MAX: variants seen among roughly 807,000 people sequenced by gnomAD.
MAX encodes protein max.
MAX carries 3 observed loss-of-function variants against 22.3 expected under a neutral mutation model. That is an observed-to-expected ratio of 0.13 (90% CI 0.06 to 0.35). The LOEUF (loss-of-function observed/expected upper bound fraction) is 0.35, where lower values mean the gene tolerates loss of function less well. Ranked by LOEUF, MAX falls within the 10% of genes least tolerant of loss-of-function variation. The pLI is 1.00. For missense variants in MAX, 119 were observed against 209.4 expected, an observed-to-expected ratio of 0.57 and a Z score of 2.66; for synonymous variants, 72 against 77.7, an observed-to-expected ratio of 0.93 and a Z score of 0.39.
chr14:65,024,417 A>G (rs560567647), intron 3 of MAX, among the ~76,000 whole-genome samples: 1 of 152,280 alleles, frequency 6.6e-6, no homozygotes, highest in South Asian at 2.1e-4. Flanking sequence ...TCACCTGAGA[A>G]TTTGGTAAAA....
rs1208155115 is a variant in MAX at position 65,075,990 on chromosome 14, G to C, written c.*486C>G. The C allele has an allele frequency of 1.7e-5, 19 of 1,085,780 alleles. No individual in the cohort carries two copies. Among genetic ancestry groups the C allele is most frequent in the Non-Finnish European group, 2.1e-5 (19 of 891,770 alleles). The allele number at this position is 1,085,780 out of a possible 1,614,324, so 67.3% of individuals were successfully genotyped here. A position where few individuals can be genotyped will look rare whatever the true frequency, so the allele number is the denominator to read the frequency against. On this transcript the variant is annotated 3_prime_UTR_variant, in exon 5 of 5. Coordinates refer to ENST00000358664, the MANE Select transcript of MAX (RefSeq NM_002382.5). This position sits in a 1 kb window ranked among gnomAD's most constrained non-coding sequence, Gnocchi z 4.1. ...AAAAAAAAACCCTTAAAAAGGAGGA[G>C]GGTTCATTCTGATTACTCCAAACCG...
intron 2 of MAX, among the ~76,000 whole-genome samples, chr14:65,099,509 G>A (rs1376624509): frequency 7.1e-6 from 1 of 141,688 alleles, no homozygotes; most frequent in African/African-American, 2.7e-5. Flanking sequence ...AAGCTTTCAA[G>A]AACTGCGAGC....
At chr14:65,015,524 C>A in intron 3 of MAX, 1 of 1,208,006 alleles carries the variant, frequency 8.3e-7, no homozygotes, top group East Asian at 2.5e-5. Flanking sequence ...TGCCCTCCTC[C>A]CCCTTGCCAG....
Position 65,075,899 on chromosome 14 carries a change from C to T in MAX, c.*577G>A, listed in dbSNP as rs1449351692. On this transcript the variant is annotated 3_prime_UTR_variant, in exon 5 of 5. Coordinates refer to ENST00000358664, the MANE Select transcript of MAX (RefSeq NM_002382.5). The surrounding 1 kb of genome is among the most constrained non-coding windows in gnomAD (Gnocchi z 4.1). Reference sequence around the variant, plus strand: ...AATCTGTCCCCACTTCCTTTTTATACCACAAACTTCTCTAAGGATCTGGTC... The same window carrying T: ...AATCTGTCCCCACTTCCTTTTTATATCACAAACTTCTCTAAGGATCTGGTC... 2.8e-6 allele frequency: 3 copies of T among 1,068,054 alleles called. No homozygotes were observed. Among genetic ancestry groups the T allele is most frequent in the Non-Finnish European group, 3.4e-6 (3 of 881,022 alleles). 66.2% of individuals were successfully genotyped at this position (1,068,054 alleles called of 1,614,324 possible).
chr14:65,069,095 G>A lies in MAX; in HGVS notation c.171+24613C>T, dbSNP rs1005816059. The stretch of plus-strand genomic sequence containing the variant: ...AGTGCTAGGTGTCCATGCTCCTTGC[G>A]AGGCTCCATCCCCCCAGCCCCTCTC... On this transcript the variant is annotated intron_variant, in intron 3 of 3. Transcript: ENST00000341653. This position sits in a 1 kb window ranked among gnomAD's most constrained non-coding sequence, Gnocchi z 4.6. Among the ~76,000 whole-genome samples the A allele has an allele frequency of 6.6e-6, 1 of 152,194 alleles. No individual in the cohort carries two copies. The highest frequency in any genetic ancestry group is 6.5e-5 in the Admixed American group (1 of 15,284).
At position 65,032,757 on chromosome 14, in the gene MAX, A is replaced by C; in HGVS notation, c.172-26473T>G. The stretch of plus-strand genomic sequence containing the variant: ...GAGCAGGCGGTCACGACACTACTTC[A>C]GAAAAATAAAGAAAATGCAGAGGGA... On this transcript the variant is annotated intron_variant, in intron 3 of 3. Transcript: ENST00000341653. The surrounding 1 kb of genome is among the most constrained non-coding windows in gnomAD (Gnocchi z 5.0). 5 of 1,495,196 alleles carry C rather than the reference A, an allele frequency of 3.3e-6. No homozygotes were observed. The highest frequency in any genetic ancestry group is 4.5e-6 in the Non-Finnish European group (5 of 1,103,062). 92.6% of individuals were successfully genotyped at this position (1,495,196 alleles called of 1,614,324 possible).
chr14:65,037,137 G>C (rs1489001392), intron 3 of MAX, among the ~76,000 whole-genome samples: 2 of 148,254 alleles, frequency 1.3e-5, no homozygotes, highest in Non-Finnish European at 3.0e-5. Context: ...GAGTCTTGCT[G>C]TTGTTACCCG....
chr14:65,037,422 T>C (rs1566562303), intron 3 of MAX, among the ~76,000 whole-genome samples: 16 of 109,600 alleles, frequency 1.5e-4, no homozygotes, highest in Admixed American at 1.9e-4. Flanking sequence ...TTTTTTTTTT[T>C]TTTTTTTTTT....
At chr14:65,080,137 T>G (rs1049392447) in intron 3 of MAX, among the ~76,000 whole-genome samples, 3 of 152,206 alleles carry the variant, frequency 2.0e-5, no homozygotes, top group African/African-American at 7.2e-5. Context: ...TTACCTACTG[T>G]GTGCTACGCA....
At position 65,037,268 on chromosome 14, in the gene MAX, T is replaced by A. The variant is rs372591503; in HGVS notation, c.172-30984A>T. On this transcript the variant is annotated intron_variant, in intron 3 of 3. Transcript: ENST00000341653. The stretch of plus-strand genomic sequence containing the variant: ...ACAGAAGCCCACGACCACGCCCAGC[T>A]AATTTTTGTATTTTTAGTAGAGATG... 4.6e-5 allele frequency among the ~76,000 whole-genome samples: 7 copies of A among 151,452 alleles called. No individual in the cohort carries two copies. In the South Asian group the frequency reaches 8.4e-4, roughly 18 times the overall value.
In MAX at chr14:65,042,619, G is replaced by A. The variant is rs568864212; in HGVS notation, c.172-36335C>T. Among the ~76,000 whole-genome samples the A allele has an allele frequency of 1.7e-4, 26 of 152,322 alleles. No individual in the cohort carries two copies. In the South Asian group the frequency reaches 5.4e-3, roughly 32 times the overall value. ...AGCCTGGCATGGTCTGGGGGTTAGG[G>A]ACCCCTGCTCTAATCCAGACTACTC... is the stretch of plus-strand genomic sequence containing the variant. On this transcript the variant is annotated intron_variant, in intron 3 of 3. Transcript: ENST00000341653.
At chr14:65,086,313 G>A (rs1362030259) in intron 3 of MAX, among the ~76,000 whole-genome samples, 1 of 152,208 alleles carries the variant, frequency 6.6e-6, no homozygotes, top group African/African-American at 2.4e-5. Context: ...TGAAAATGTG[G>A]AAGCAACTTT....
rs1023446019 is a variant in MAX, at chr14:65,027,551, A to G, written c.172-21267T>C. 5.6e-6 allele frequency: 9 copies of G among 1,614,094 alleles called. No individual in the cohort carries two copies. The highest frequency in any genetic ancestry group is 2.7e-5 in the African/African-American group (2 of 74,920). ...CTTGCACCCACATATGCAGCAGTCA[A>G]TGCATTGTGCATCATTGGCACCGAG... is the stretch of plus-strand genomic sequence containing the variant. On this transcript the variant is annotated intron_variant, in intron 3 of 3. Transcript: ENST00000341653. This position sits in a 1 kb window ranked among gnomAD's most constrained non-coding sequence, Gnocchi z 5.7.
chr14:65,052,752 T>A (rs891483911), intron 3 of MAX, among the ~76,000 whole-genome samples: 2 of 152,246 alleles, frequency 1.3e-5, no homozygotes, highest in Non-Finnish European at 2.9e-5. Context: ...TGGAGATCAA[T>A]TAAATTTAGG....
chr14:65,061,297 G>A (rs200459343), intron 3 of MAX: 4 of 1,613,938 alleles, frequency 2.5e-6, no homozygotes, highest in East Asian at 4.5e-5. Context: ...CATCGGCAGA[G>A]CCTGCAACCG....
intron 3 of MAX, among the ~76,000 whole-genome samples, chr14:65,022,316 A>T (rs542497679): frequency 6.6e-6 from 1 of 151,362 alleles, no homozygotes; most frequent in Non-Finnish European, 1.5e-5. Context: ...CCAATTGTGC[A>T]GAACATAGCT....
In MAX at chr14:65,012,381, G is replaced by A. The variant is rs1471137484; in HGVS notation, c.172-6097C>T. 3.1e-6 allele frequency: 5 copies of A among 1,614,134 alleles called. No individual in the cohort carries two copies. Among genetic ancestry groups the A allele is most frequent in the South Asian group, 2.2e-5 (2 of 91,084 alleles). On this transcript the variant is annotated intron_variant, in intron 3 of 3. Coordinates refer to the MAX transcript ENST00000341653. The surrounding 1 kb of genome is among the most constrained non-coding windows in gnomAD (Gnocchi z 5.0). ...AAGAGGCCTTCGACAACTGACAGAT[G>A]CCTATGAGGTAAACACATTACCCAG...
At chr14:65,102,184 G>GAGGGGA (rs1468895258) in intron 1 of MAX, 120 bp downstream of exon 1, 25 of 1,538,780 alleles carry the variant, frequency 1.6e-5, no homozygotes, top group Admixed American at 1.2e-4. Flanking sequence ...TCCTGGCCCC[G>GAGGGGA]AGGGGAAGGG....
downstream of MAX, among the ~76,000 whole-genome samples, chr14:65,070,200 G>A (rs925402329): frequency 5.9e-5 from 9 of 152,194 alleles, no homozygotes; most frequent in Non-Finnish European, 7.4e-5. The surrounding 1 kb of genome is among the most constrained non-coding windows in gnomAD (Gnocchi z 4.4). Context: ...TAGGCTTTCT[G>A]GAGAGAAGGC....
Sources: allele counts gnomAD v4.1 joint callset (sites outside exome capture counted in the v4.1 genomes callset), GRCh38; gene constraint gnomAD v4.1.1; non-coding constraint Gnocchi (gnomAD v3.1); transcripts MANE v1.5; gene names NCBI Gene and HGNC (gene_info 2026-07-23, HGNC 2026-07-21).